Variants in LYST observed in about 807,000 individuals in gnomAD.
The protein encoded by LYST is lysosomal trafficking regulator.
In LYST, 192 loss-of-function variants were observed where a neutral mutation model predicts 413.6. The observed-to-expected ratio is 0.46, with a 90% CI of 0.41 to 0.52. LYST has a LOEUF of 0.52. LYST is among the 20% of genes least tolerant of loss of function. The pLI is 0.00. For missense variants in LYST, 3,815 were observed against 4,499.9 expected (o/e 0.85, Z 4.35); for synonymous variants, 1,525 against 1,567.3 (o/e 0.97, Z 0.64).
chr1:235,718,144 G>A (rs1297966220), intron 40 of LYST, among the ~76,000 whole-genome samples: 1 of 148,650 alleles, frequency 6.7e-6, no homozygotes, highest in Non-Finnish European at 1.5e-5. Flanking sequence ...GATTACAGGC[G>A]TGAGCCACCA....
intron 40 of LYST, among the ~76,000 whole-genome samples, chr1:235,717,095 C>T (rs769006526): frequency 6.6e-6 from 1 of 152,146 alleles, no homozygotes; most frequent in African/African-American, 2.4e-5. Context: ...TGATGTTGCT[C>T]GTGGGAGCAG....
intron 1 of LYST, among the ~76,000 whole-genome samples, chr1:235,838,116 C>T (rs1361401745): frequency 6.6e-6 from 1 of 151,964 alleles, no homozygotes; most frequent in Non-Finnish European, 1.5e-5. Flanking sequence ...AATAGGAGGA[C>T]CAAGAATTTT....
intron 1 of LYST, among the ~76,000 whole-genome samples, chr1:235,843,533 T>C (rs370793336): frequency 2.0e-5 from 3 of 152,174 alleles, no homozygotes; most frequent in African/African-American, 7.2e-5. Flanking sequence ...ACAAATTTTA[T>C]AGCTCTATGT....
upstream of LYST, among the ~76,000 whole-genome samples, chr1:235,871,638 CA>C (rs1370430981): frequency 1.3e-5 from 2 of 152,228 alleles, no homozygotes; most frequent in African/African-American, 4.8e-5. Flanking sequence ...CTATTCTTAA[CA>C]ACCTATAGAA....
chr1:235,732,329 G>T lies in LYST; in HGVS notation c.8802-1152C>A, dbSNP rs533032801. Among the ~76,000 whole-genome samples the T allele has an allele frequency of 2.6e-5, 4 of 152,002 alleles. No individual in the cohort carries two copies. In the South Asian group the frequency reaches 8.3e-4, roughly 32 times the overall value. ...CTTTTTCTTTTTCTTTTTTGACAGG[G>T]TCTCATTCTGTTGCCCAGGCCAGAG... On this transcript the variant is annotated intron_variant, in intron 34 of 52. Transcript: ENST00000389793.
intron 1 of LYST, among the ~76,000 whole-genome samples, chr1:235,844,266 G>T (rs1558331189): frequency 6.6e-6 from 1 of 151,762 alleles, no homozygotes; most frequent in Non-Finnish European, 1.5e-5. Context: ...ATCTTTATGA[G>T]AAAAAAAGAT....
intron 8 of LYST, among the ~76,000 whole-genome samples, chr1:235,801,415 A>C (rs991938737): frequency 6.7e-6 from 1 of 149,660 alleles, no homozygotes. Context: ...AAACTTTCTG[A>C]CCCCCCCCTC....
chr1:235,827,263 G>A, intron 3 of LYST: 1 of 176,808 alleles, frequency 5.7e-6, no homozygotes, highest in Non-Finnish European at 1.1e-5. Context: ...CAGCTACTCA[G>A]GTGGCTGAGA....
Position 235,810,475 on chromosome 1 carries a change from G to C in LYST, c.343C>G (p.Gln115Glu), listed in dbSNP as rs775773934. The change falls in exon 5 of 53, where the codon CAA (glutamine) becomes GAA (glutamate). Residue 115 changes from glutamine (Q) to glutamate (E), a missense_variant. This residue lies in a region of LYST where 1,648 missense variants were observed against 1,810.3 expected (regional missense o/e 0.91). Coordinates refer to ENST00000389793, the MANE Select transcript of LYST (RefSeq NM_000081.4). ...TGTAATTTTTCCTGAGTGGATCTTT[G>C]TGAACTTGAGTTCTTTTCTTTGGTC... ...ILTKEKNSSSQRSTQEKLHLE... is the reference protein window; with the variant it reads ...ILTKEKNSSSERSTQEKLHLE... 11 of 1,611,234 alleles carry C rather than the reference G, an allele frequency of 6.8e-6. No individual in the cohort carries two copies. The South Asian group carries it at 1.1e-4, about 16-fold the overall frequency.
At position 235,798,303 on chromosome 1, in the gene LYST, TTAA is replaced by T. The variant is rs1226417760; in HGVS notation, c.4006+2014_4006+2016del. Among the ~76,000 whole-genome samples, 9 of 152,150 alleles carry T rather than the reference TTAA, an allele frequency of 5.9e-5. No individual in the cohort carries two copies. The South Asian group carries it at 1.9e-3, about 32-fold the overall frequency. ...AAGAAATCTGAATTATGGACTTCAGTTAATAATAACATATCAATATAAGTTCAT... is the reference window on the plus strand; with the variant it reads ...AAGAAATCTGAATTATGGACTTCAGTTAATAACATATCAATATAAGTTCAT... On this transcript the variant is annotated intron_variant, in intron 10 of 52. Coordinates refer to ENST00000389793, the MANE Select transcript of LYST (RefSeq NM_000081.4).
At position 235,759,364 on chromosome 1, in the gene LYST, T is replaced by C. The variant is rs150587151; in HGVS notation, c.6489A>G (p.Ala2163=). Residue 2163 remains alanine, a synonymous_variant, in exon 23 of 53, where the codon GCA becomes GCG. Transcript: ENST00000389793. ...SDTLKKGKED[A]FISSCESAKT... is the part of the protein sequence containing the mutation. ...TTGCAGACTCACAGCTACTGATGAA[T>C]GCGTCCTCTTTGCCTTTTTTCAGTG... The C allele has an allele frequency of 1.2e-6, 2 of 1,614,216 alleles. No individual in the cohort carries two copies. The highest frequency in any genetic ancestry group is 2.2e-5 in the East Asian group (1 of 44,888).
chr1:235,788,152 TG>T (rs1175624667), intron 13 of LYST, among the ~76,000 whole-genome samples: 1 of 152,026 alleles, frequency 6.6e-6, no homozygotes, highest in Non-Finnish European at 1.5e-5. Context: ...ATTTATTTTT[TG>T]TTTTTATTTA....
intron 31 of LYST, chr1:235,737,850 T>G: frequency 9.9e-7 from 1 of 1,009,280 alleles, no homozygotes. Flanking sequence ...GGAAACAGCA[T>G]TTATCCTGCT....
intron 45 of LYST, among the ~76,000 whole-genome samples, chr1:235,702,097 A>G (rs1385267672): frequency 6.6e-6 from 1 of 152,228 alleles, no homozygotes; most frequent in Non-Finnish European, 1.5e-5. Context: ...TTCCTTCTGC[A>G]AACCCTTACA....
At chr1:235,836,644 C>T (rs1415115179) in intron 1 of LYST, among the ~76,000 whole-genome samples, 42 of 152,262 alleles carry the variant, frequency 2.8e-4, no homozygotes, top group Non-Finnish European at 1.5e-4. Flanking sequence ...TCTTCCTTCT[C>T]AGGAACTAAA....
chr1:235,754,861 G>C (rs1666856816), intron 25 of LYST, among the ~76,000 whole-genome samples: 1 of 151,220 alleles, frequency 6.6e-6, no homozygotes, highest in Non-Finnish European at 1.5e-5. Flanking sequence ...ATGGCTTGAG[G>C]TCAGGAGTTT....
intron 50 of LYST, 77 bp downstream of exon 50, chr1:235,677,014 G>C (rs1057347308): frequency 2.0e-6 from 2 of 992,216 alleles, no homozygotes; most frequent in East Asian, 2.4e-5. Flanking sequence ...AGAATGGCTC[G>C]ACCTAGGAGT....
At chr1:235,711,495 T>A (rs1662397149) in intron 43 of LYST, among the ~76,000 whole-genome samples, 1 of 152,170 alleles carries the variant, frequency 6.6e-6, no homozygotes, top group African/African-American at 2.4e-5. Flanking sequence ...TTAAGTAATA[T>A]AAGAAAATGA....
In LYST at chr1:235,802,923, C is replaced by T. The variant is rs566351447; in HGVS notation, c.3697G>A (p.Glu1233Lys). The change falls in exon 8 of 53, where the codon GAA (glutamate) becomes AAA (lysine). Residue 1233 changes from glutamate to lysine, a missense_variant. Coordinates refer to ENST00000389793, the MANE Select transcript of LYST (RefSeq NM_000081.4). ...GATATTTTACCATCATCCTGGGTTTCGCCATCTTCAGGATTGCTTTCACTA... is the reference window on the plus strand; with the variant it reads ...GATATTTTACCATCATCCTGGGTTTTGCCATCTTCAGGATTGCTTTCACTA... ...ADSESNPEDG[E>K]TQDDGVDLKS... The T allele has an allele frequency of 5.3e-5, 86 of 1,613,426 alleles. No individual in the cohort carries two copies. The highest frequency in any genetic ancestry group is 2.1e-4 in the African/African-American group (16 of 75,016).
Sources: gnomAD v4.1 joint callset for allele counts (sites outside exome capture counted in the v4.1 genomes callset) on GRCh38, gnomAD v4.1.1 for gene constraint, gnomAD v4.1.1 regional missense constraint, MANE v1.5 for transcripts, NCBI Gene and HGNC (gene_info 2026-07-23, HGNC 2026-07-21) for gene names.